The following THOC5 variants were observed in gnomAD, a reference collection of about 807,000 sequenced individuals.
THOC5 encodes the protein THO complex subunit 5.
Under a neutral mutation model 92.9 loss-of-function variants are expected in THOC5, and 43 were observed. That is an observed-to-expected ratio of 0.46 (90% CI 0.36 to 0.60). The LOEUF is 0.60. Ranked by LOEUF, THOC5 falls within the 20% of genes least tolerant of loss-of-function variation. THOC5 has a pLI of 0.00. For synonymous variants in THOC5, 296 were observed against 320.1 expected, an observed-to-expected ratio of 0.92 and a Z score of 0.80; for missense variants, 659 against 849.4, an observed-to-expected ratio of 0.78 and a Z score of 2.79.
At chr22:29,543,912 T>C (rs1336127835) in intron 3 of THOC5, among the ~76,000 whole-genome samples, 1 of 152,128 alleles carries the variant, frequency 6.6e-6, no homozygotes, top group Non-Finnish European at 1.5e-5. Context: ...AACAGAATTA[T>C]AGCCATAAAG....
intron 14 of THOC5, 119 bp downstream of exon 14, chr22:29,519,889 C>G (rs1256008877): frequency 1.5e-6 from 1 of 651,104 alleles, no homozygotes; most frequent in Non-Finnish European, 2.4e-6. Context: ...CTGCCTCAGC[C>G]TCCCAAAGTA....
Position 29,529,165 on chromosome 22 carries a change from G to A in THOC5, c.922C>T (p.Gln308Ter), listed in dbSNP as rs1362744251. ...CGAATCCCAACCACCACATTACCTTGGGAGTCCTCTGGAGGTTTGAACAGA... is the reference window on the plus strand; with the variant it reads ...CGAATCCCAACCACCACATTACCTTAGGAGTCCTCTGGAGGTTTGAACAGA... ...KALFKPPEDSQDDESDSDAEE... is the reference protein window; with the variant it reads ...KALFKPPEDS Residue 308 changes from glutamine (Q) to a stop codon, truncating the protein, a stop_gained, in exon 9 of 20, where the codon CAA becomes TAA. Coordinates refer to ENST00000490103, the MANE Select transcript of THOC5 (RefSeq NM_003678.5). LOFTEE classifies it high-confidence loss of function. The A allele has an allele frequency of 1.9e-6, 3 of 1,614,168 alleles. No homozygotes were observed. Among genetic ancestry groups the A allele is most frequent in the Non-Finnish European group, 1.7e-6 (2 of 1,180,020 alleles).
At chr22:29,512,279 T>A in intron 17 of THOC5, 143 bp from the exon 18 acceptor site, 1 of 645,758 alleles carries the variant, frequency 1.5e-6, no homozygotes. Context: ...GTACCAACTG[T>A]TCCAGAATGT....
At chr22:29,552,202 G>T (rs1458947623) in intron 1 of THOC5, among the ~76,000 whole-genome samples, 1 of 152,032 alleles carries the variant, frequency 6.6e-6, no homozygotes. Context: ...CTGCCCGGCC[G>T]CCACCCCGTC....
chr22:29,512,953 T>C (rs779482796), intron 17 of THOC5, among the ~76,000 whole-genome samples: 11 of 152,238 alleles, frequency 7.2e-5, no homozygotes, highest in Non-Finnish European at 1.5e-4. Context: ...CATTCCTTTT[T>C]AGTTATTTTT....
At chr22:29,523,461 G>A (rs1347998510) in intron 12 of THOC5, among the ~76,000 whole-genome samples, 2 of 151,960 alleles carry the variant, frequency 1.3e-5, no homozygotes, top group Admixed American at 6.6e-5. Flanking sequence ...AAAAAATTTC[G>A]AAAACCTAAT....
In THOC5 at chr22:29,525,819, C is replaced by G. The variant is rs774112188; in HGVS notation, c.1175+19G>C. The G allele has an allele frequency of 5.6e-6, 9 of 1,604,144 alleles. No homozygotes were observed. The highest frequency in any genetic ancestry group is 7.7e-6 in the Non-Finnish European group (9 of 1,171,980). On this transcript the variant is annotated intron_variant, in intron 12 of 19. Transcript: ENST00000490103. ...CCTCCCCATCCCGCACGTCATTGCCCAGAGCGCCTGCTCAATACCCTGCAC... is the reference window on the plus strand; with the variant it reads ...CCTCCCCATCCCGCACGTCATTGCCGAGAGCGCCTGCTCAATACCCTGCAC...
intron 12 of THOC5, among the ~76,000 whole-genome samples, chr22:29,524,532 A>G (rs148212939): frequency 6.6e-6 from 1 of 152,344 alleles, no homozygotes; most frequent in Non-Finnish European, 1.5e-5. Flanking sequence ...ATGAACAAGC[A>G]GAATGTTCAT....
At chr22:29,545,660 G>T (rs1365677150) in intron 2 of THOC5, among the ~76,000 whole-genome samples, 1 of 152,170 alleles carries the variant, frequency 6.6e-6, no homozygotes, top group Non-Finnish European at 1.5e-5. Flanking sequence ...TTGACTCCAG[G>T]TCTCACATCC....
chr22:29,514,859 C>T (rs565204892), intron 17 of THOC5, among the ~76,000 whole-genome samples: 3 of 151,728 alleles, frequency 2.0e-5, no homozygotes, highest in Admixed American at 6.6e-5. Context: ...GTGCCCACCA[C>T]CAACCCCGGC....
chr22:29,521,844 G>A (rs1395404939), intron 12 of THOC5, among the ~76,000 whole-genome samples: 1 of 152,098 alleles, frequency 6.6e-6, no homozygotes, highest in Non-Finnish European at 1.5e-5. Context: ...TGAACCAAAG[G>A]GGGTTCTCCT....
At chr22:29,544,758 T>C (rs978098623) in intron 2 of THOC5, among the ~76,000 whole-genome samples, 155 bp from the exon 3 acceptor site, 29 of 152,180 alleles carry the variant, frequency 1.9e-4, no homozygotes, top group Admixed American at 7.2e-4. Flanking sequence ...TTAAATGCTT[T>C]TCTTCTCTTC....
chr22:29,543,606 T>G, intron 3 of THOC5, 64 bp from the exon 4 acceptor site: 1 of 1,306,626 alleles, frequency 7.7e-7, no homozygotes, highest in South Asian at 1.2e-5. Context: ...CTTCAGTCCT[T>G]CACCACTGAC....
intron 17 of THOC5, among the ~76,000 whole-genome samples, chr22:29,512,633 A>T (rs2063247676): frequency 1.3e-5 from 2 of 152,226 alleles, no homozygotes; most frequent in Admixed American, 6.5e-5. Context: ...TCCTTACTGT[A>T]TCCCAGGCAC....
At chr22:29,512,966 G>T (rs1031971570) in intron 17 of THOC5, among the ~76,000 whole-genome samples, 5 of 152,118 alleles carry the variant, frequency 3.3e-5, no homozygotes, top group Admixed American at 6.6e-5. Context: ...TTATTTTTAG[G>T]GGGGAGACTT....
intron 12 of THOC5, among the ~76,000 whole-genome samples, chr22:29,522,728 C>A (rs1032561801): frequency 1.3e-5 from 2 of 152,228 alleles, no homozygotes; most frequent in South Asian, 4.2e-4. Context: ...AGTGGCCGGG[C>A]GTGGTGGCTC....
At chr22:29,511,502 C>A in intron 18 of THOC5, 1 of 553,830 alleles carries the variant, frequency 1.8e-6, no homozygotes, top group Non-Finnish European at 3.2e-6. Context: ...TGACCCATAG[C>A]TTTCCCTGCC....
At chr22:29,510,329 G>C (rs2063200266) in intron 19 of THOC5, among the ~76,000 whole-genome samples, 1 of 152,206 alleles carries the variant, frequency 6.6e-6, no homozygotes, top group African/African-American at 2.4e-5. Context: ...AGGCACAATG[G>C]CTCATGCCTG....
intron 8 of THOC5, 74 bp from the exon 9 acceptor site, chr22:29,529,313 G>C: frequency 6.7e-7 from 1 of 1,497,048 alleles, no homozygotes; most frequent in Non-Finnish European, 9.3e-7. Flanking sequence ...GGCCAGCTCT[G>C]GGGCTGCATT....
Sources: gnomAD v4.1 joint callset for allele counts (sites outside exome capture counted in the v4.1 genomes callset) on GRCh38, gnomAD v4.1.1 for gene constraint, MANE v1.5 for transcripts, NCBI Gene and HGNC (gene_info 2026-07-23, HGNC 2026-07-21) for gene names.